The following PFKFB3 variants were observed in gnomAD, a reference collection of about 807,000 sequenced individuals.
The protein encoded by PFKFB3 is 6-phosphofructo-2-kinase/fructose-2,6-biphosphatase 3, also known as 6-phosphofructo-2-kinase/fructose-2,6-bisphosphatase 3.
In PFKFB3, 33 loss-of-function variants were observed where a neutral mutation model predicts 68.0. That is an observed-to-expected ratio of 0.49 (90% confidence interval 0.37 to 0.65). The LOEUF is 0.65. PFKFB3 is among the 30% of genes least tolerant of loss of function. The pLI, the probability that PFKFB3 is intolerant of heterozygous loss-of-function variation, is 0.00. For synonymous variants in PFKFB3, 315 were observed against 288.2 expected, an observed-to-expected ratio of 1.09 and a Z score of -0.94; for missense variants, 586 against 712.2, an observed-to-expected ratio of 0.82 and a Z score of 2.02.
chr10:6,253,585 T>C (rs10508301), intron 14 of PFKFB3, among the ~76,000 whole-genome samples: 97,621 of 151,666 alleles, frequency 0.64, 36,006 homozygotes, highest in Non-Finnish European at 0.83. Context: ...AGCTCAGAAA[T>C]GTCTTCCCAC....
chr10:6,170,089 G>A (rs1285696278), intron 1 of PFKFB3, among the ~76,000 whole-genome samples: 2 of 152,198 alleles, frequency 1.3e-5, no homozygotes, highest in Admixed American at 6.5e-5. Flanking sequence ...GGGAGGACAT[G>A]CCTGGGCCCA....
intron 1 of PFKFB3, among the ~76,000 whole-genome samples, chr10:6,174,724 G>A (rs1193190702): frequency 2.0e-5 from 3 of 152,208 alleles, no homozygotes; most frequent in African/African-American, 7.2e-5. Flanking sequence ...TCTCCGTGCA[G>A]CCCTCCCACG....
chr10:6,221,772 G>A (rs199947920), intron 10 of PFKFB3, 27 bp downstream of exon 10: 93 of 1,469,690 alleles, frequency 6.3e-5, no homozygotes, highest in East Asian at 1.4e-4. Context: ...GCGGGCTGAC[G>A]GTCCCCAGCA....
intron 4 of PFKFB3, 81 bp from the exon 5 acceptor site, chr10:6,216,625 T>A: frequency 1.0e-6 from 1 of 954,540 alleles, no homozygotes; most frequent in East Asian, 2.4e-5. Context: ...AGATGATGGG[T>A]CTGGCATCTT....
the PFKFB3 span, among the ~76,000 whole-genome samples, chr10:6,262,310 C>T: frequency 3.5e-3 from 526 of 150,364 alleles, 3 homozygotes; most frequent in African/African-American, 0.012. Flanking sequence ...AAAAATTAGC[C>T]GGGTGGGGTG....
chr10:6,268,000 C>G, the PFKFB3 span, among the ~76,000 whole-genome samples: 1 of 147,218 alleles, frequency 6.8e-6, no homozygotes, highest in Admixed American at 6.8e-5. Flanking sequence ...GAATTTCAAG[C>G]TGGCAATGAC....
At chr10:6,217,260 G>C in intron 6 of PFKFB3, 69 bp downstream of exon 6, 1 of 1,383,886 alleles carries the variant, frequency 7.2e-7, no homozygotes, top group Non-Finnish European at 1.0e-6. Context: ...GTCTGAGGAA[G>C]TGGGGGACCG....
chr10:6,316,323 G>A, the PFKFB3 span, among the ~76,000 whole-genome samples: 4 of 152,194 alleles, frequency 2.6e-5, no homozygotes, highest in Admixed American at 6.5e-5. Context: ...TCAGAGCCAC[G>A]TGGAGGTAGC....
chr10:6,288,289 G>A, the PFKFB3 span, among the ~76,000 whole-genome samples: 1 of 149,186 alleles, frequency 6.7e-6, no homozygotes, highest in African/African-American at 2.5e-5. Context: ...TGCCATGCTG[G>A]TGTGCTGCAT....
Position 6,187,198 on chromosome 10 carries a change from TA to T in PFKFB3, c.17-26412del, listed in dbSNP as rs770875957. 1.7e-3 allele frequency among the ~76,000 whole-genome samples: 241 copies of T among 141,920 alleles called. 1 individual carries two copies. Among genetic ancestry groups the T allele is most frequent in the African/African-American group, 4.1e-3 (159 of 38,744 alleles). The allele number at this position is 141,920 out of a possible 152,430, so 93.1% of individuals were successfully genotyped here. A position where few individuals can be genotyped will look rare whatever the true frequency, so the allele number is the denominator to read the frequency against. ...CAACATGGTGAATCCCTGTTTCTAC[TA>T]AAAAAAAAAAAATTAGCTGGACATG... is the stretch of plus-strand genomic sequence containing the variant. On this transcript the variant is annotated intron_variant, in intron 1 of 14. Coordinates refer to the PFKFB3 transcript ENST00000379789.
chr10:6,199,797 G>A (rs1429136746), upstream of PFKFB3, among the ~76,000 whole-genome samples: 2 of 149,920 alleles, frequency 1.3e-5, no homozygotes, highest in Non-Finnish European at 3.0e-5. Flanking sequence ...CACTGCACTG[G>A]CCAGGATCAT....
chr10:6,192,049 A>T (rs1358641060), intron 1 of PFKFB3, among the ~76,000 whole-genome samples: 2 of 151,580 alleles, frequency 1.3e-5, no homozygotes, highest in African/African-American at 2.4e-5. Flanking sequence ...CCCACCCCAG[A>T]TGTCTGAATA....
intron 1 of PFKFB3, among the ~76,000 whole-genome samples, chr10:6,196,031 A>G (rs1327862566): frequency 1.3e-5 from 2 of 152,080 alleles, no homozygotes; most frequent in East Asian, 3.9e-4. Context: ...TTGCTTTCAT[A>G]AGGACAAACA....
intron 1 of PFKFB3, chr10:6,146,371 G>A (rs915289501): frequency 1.3e-6 from 2 of 1,535,184 alleles, no homozygotes; most frequent in Non-Finnish European, 1.7e-6. Context: ...TCCCGTTGGG[G>A]TAGAGAGATG....
At chr10:6,292,700 T>C in the PFKFB3 span, among the ~76,000 whole-genome samples, 1 of 150,278 alleles carries the variant, frequency 6.7e-6, no homozygotes, top group Non-Finnish European at 1.5e-5. Context: ...GTGTTAAAAA[T>C]GCAAACATCC....
intron 1 of PFKFB3, among the ~76,000 whole-genome samples, chr10:6,175,012 C>T (rs1842421688): frequency 6.6e-6 from 1 of 152,042 alleles, no homozygotes; most frequent in Non-Finnish European, 1.5e-5. Flanking sequence ...GATGGGGTTT[C>T]ACCATGTTGG....
At chr10:6,161,090 C>G (rs1416329058) in intron 1 of PFKFB3, among the ~76,000 whole-genome samples, 2 of 152,142 alleles carry the variant, frequency 1.3e-5, no homozygotes, top group Non-Finnish European at 2.9e-5. Flanking sequence ...TGCCTGCCAC[C>G]ATGCCCAGCT....
the PFKFB3 span, among the ~76,000 whole-genome samples, chr10:6,301,408 G>C: frequency 1.3e-5 from 2 of 152,142 alleles, no homozygotes; most frequent in African/African-American, 4.8e-5. Flanking sequence ...CATATTCTTA[G>C]ATCATTTGAG....
the PFKFB3 span, among the ~76,000 whole-genome samples, chr10:6,317,274 T>G: frequency 3.9e-5 from 6 of 152,304 alleles, no homozygotes; most frequent in South Asian, 1.0e-3. Flanking sequence ...CAGTGATGCA[T>G]CTCCCTGGGT....
Sources: allele counts gnomAD v4.1 joint callset (sites outside exome capture counted in the v4.1 genomes callset), GRCh38; gene constraint gnomAD v4.1.1; transcripts MANE v1.5; gene names NCBI Gene and HGNC (gene_info 2026-07-23, HGNC 2026-07-21).